Variants in SETD5 observed in about 807,000 individuals in gnomAD.
The protein encoded by SETD5 is SET domain containing 5, also known as histone-lysine N-methyltransferase SETD5.
A neutral mutation model predicts 153.3 loss-of-function variants in SETD5; 44 were observed. That is an observed-to-expected ratio of 0.29 (90% CI 0.23 to 0.37). The LOEUF is 0.37. SETD5 is among the 10% of genes least tolerant of loss of function. The pLI, the probability that SETD5 is intolerant of heterozygous loss-of-function variation, is 1.00. For missense variants in SETD5, 1,544 were observed against 1,768.0 expected, an observed-to-expected ratio of 0.87 and a Z score of 2.27; for synonymous variants, 716 against 645.2, an observed-to-expected ratio of 1.11 and a Z score of -1.66.
At chr3:9,467,302 A>C (rs2044722836) in intron 18 of SETD5, among the ~76,000 whole-genome samples, 1 of 152,024 alleles carries the variant, frequency 6.6e-6, no homozygotes, top group Non-Finnish European at 1.5e-5. Context: ...AGAAGTCTTA[A>C]GTGCTAAGGG....
At chr3:9,440,970 A>G (rs2041208988) in intron 8 of SETD5, among the ~76,000 whole-genome samples, 2 of 152,194 alleles carry the variant, frequency 1.3e-5, no homozygotes, top group African/African-American at 2.4e-5. Flanking sequence ...ACACTTTGGC[A>G]AGAAGCCAAG....
intron 6 of SETD5, among the ~76,000 whole-genome samples, chr3:9,435,426 T>C (rs1185599397): frequency 1.3e-5 from 2 of 152,182 alleles, no homozygotes; most frequent in South Asian, 4.1e-4. Flanking sequence ...ACAAAAAATA[T>C]GGATTCCTGT....
intron 3 of SETD5, chr3:9,430,319 G>A: frequency 6.1e-6 from 6 of 983,290 alleles, no homozygotes; most frequent in Non-Finnish European, 7.2e-6. Flanking sequence ...TAATATTCTG[G>A]GGTAGTCTAA....
Position 9,476,073 on chromosome 3 carries a change from T to A in SETD5, c.4311T>A (p.Thr1437=). The part of the protein sequence containing the change: ...LQPLQGSGVK[T]QTGLS ...CACTGCAAGGGTCAGGAGTCAAGAC[T>A]CAGACGGGACTTTCCTAGGGCTTCT... The change falls in exon 23 of 23, where the codon ACT becomes ACA. Residue 1437 remains threonine (T), a synonymous_variant. Transcript: ENST00000402198. 6.2e-7 allele frequency: 1 copy of A among 1,613,538 alleles called. No individual in the cohort carries two copies. Among genetic ancestry groups the A allele is most frequent in the Non-Finnish European group, 8.5e-7 (1 of 1,179,616 alleles).
At chr3:9,457,548 G>A (rs547837757) in intron 17 of SETD5, among the ~76,000 whole-genome samples, 2 of 150,394 alleles carry the variant, frequency 1.3e-5, no homozygotes, top group South Asian at 4.2e-4. Context: ...TGGATAGAAG[G>A]ATAAATATAT....
chr3:9,443,670 G>A (rs2041577753), intron 11 of SETD5, among the ~76,000 whole-genome samples: 1 of 152,174 alleles, frequency 6.6e-6, no homozygotes, highest in Non-Finnish European at 1.5e-5. Flanking sequence ...TTTTTAGCAA[G>A]AATAGCAAAA....
rs546140610 is a variant in SETD5, at chr3:9,402,090, G to T, written c.-177+4113G>T. Among the ~76,000 whole-genome samples the T allele has an allele frequency of 4.9e-4, 74 of 152,308 alleles. 1 individual carries two copies. The South Asian group carries it at 0.011, about 23-fold the overall frequency. On this transcript the variant is annotated intron_variant, in intron 1 of 22. Transcript: ENST00000402198. Reference sequence around the variant, plus strand: ...TGGGATTCTGGGAAGTTCATGAAAGGTGGAGAGAATATAGTTTCCTTCACT... The same window carrying T: ...TGGGATTCTGGGAAGTTCATGAAAGTTGGAGAGAATATAGTTTCCTTCACT...
chr3:9,408,306 TTTTTC>T (rs2036045555), intron 1 of SETD5, among the ~76,000 whole-genome samples: 1 of 152,184 alleles, frequency 6.6e-6, no homozygotes, highest in South Asian at 2.1e-4. Context: ...TCGAATGTCT[TTTTTC>T]TTTTCCCATT....
chr3:9,433,757 G>C, intron 3 of SETD5, 88 bp from the exon 4 acceptor site: 1 of 1,330,158 alleles, frequency 7.5e-7, no homozygotes, highest in Admixed American at 1.7e-5. Context: ...GTTGTGGAAA[G>C]AGGAGGGGTT....
chr3:9,464,464 T>A lies in SETD5; in HGVS notation c.2516T>A (p.Leu839Gln). ...SPLKKWKSRY[L>Q]MEQNVTKLLR... ...TTAAAGAAATGGAAGTCTCGCTATC[T>A]GATGGAGCAGAATGTCACCAAGTTA... The change falls in exon 18 of 23, where the codon CTG becomes CAG. Residue 839 changes from leucine to glutamine, a missense_variant. Leu to Gln is a moderately radical substitution (Grantham distance 113). Transcript: ENST00000402198. 6.2e-7 allele frequency: 1 copy of A among 1,613,528 alleles called. No homozygotes were observed. Among genetic ancestry groups the A allele is most frequent in the Non-Finnish European group, 8.5e-7 (1 of 1,179,454 alleles).
intron 13 of SETD5, among the ~76,000 whole-genome samples, chr3:9,446,789 C>G (rs746658468): frequency 5.3e-5 from 8 of 152,168 alleles, no homozygotes; most frequent in Non-Finnish European, 1.0e-4. Flanking sequence ...CTGCACCCAT[C>G]CTGTTTTTCT....
At chr3:9,467,199 CAAAAA>C (rs35894304) in intron 18 of SETD5, among the ~76,000 whole-genome samples, 1 of 40,858 alleles carries the variant, frequency 2.4e-5, no homozygotes, top group African/African-American at 7.1e-5. Flanking sequence ...GACTCTCTCT[CAAAAA>C]AAAAAAAAAA....
At chr3:9,433,755 A>G in intron 3 of SETD5, 90 bp from the exon 4 acceptor site, 1 of 1,315,370 alleles carries the variant, frequency 7.6e-7, no homozygotes, top group Non-Finnish European at 1.1e-6. Context: ...TGGTTGTGGA[A>G]AGAGGAGGGG....
chr3:9,422,247 T>C (rs1301337995), intron 1 of SETD5, among the ~76,000 whole-genome samples: 2 of 152,168 alleles, frequency 1.3e-5, no homozygotes, highest in Admixed American at 6.5e-5. Context: ...ATTGTTGCCC[T>C]GCAAAAAAGT....
rs911326608 is a variant in SETD5, at chr3:9,477,847, C to T, written c.*1756C>T. The T allele has an allele frequency of 6.6e-6, 1 of 152,348 alleles. No individual in the cohort carries two copies. Among genetic ancestry groups the T allele is most frequent in the Non-Finnish European group, 1.5e-5 (1 of 68,008 alleles). The allele number at this position is 152,348 out of a possible 1,614,324, so 9.4% of individuals were successfully genotyped here. On this transcript the variant is annotated 3_prime_UTR_variant, in exon 23 of 23. Coordinates refer to ENST00000402198, the MANE Select transcript of SETD5 (RefSeq NM_001080517.3). ...ATATAAAACGTATGTAAATGTCTCT[C>T]CATTTGGGCTGGGGTTTGCATTCTC...
chr3:9,431,051 C>G, intron 3 of SETD5: 1 of 985,358 alleles, frequency 1.0e-6, no homozygotes, highest in Non-Finnish European at 1.2e-6. Context: ...TTTCGCTGTT[C>G]TGGGCACTTT....
intron 1 of SETD5, among the ~76,000 whole-genome samples, chr3:9,406,983 G>A (rs77551450): frequency 0.044 from 6,673 of 152,238 alleles, 243 homozygotes; most frequent in Admixed American, 0.11. Flanking sequence ...GATATTTAGT[G>A]TTAATCCAAA....
chr3:9,456,797 A>G (rs1338907654), intron 17 of SETD5, among the ~76,000 whole-genome samples: 2 of 151,928 alleles, frequency 1.3e-5, no homozygotes, highest in African/African-American at 4.8e-5. Context: ...ACATGGTGAA[A>G]TCCCATCTCT....
At chr3:9,402,456 C>T (rs2034942087) in intron 1 of SETD5, among the ~76,000 whole-genome samples, 1 of 152,098 alleles carries the variant, frequency 6.6e-6, no homozygotes, top group East Asian at 1.9e-4. Flanking sequence ...AATGTAAGGT[C>T]ACATTAAGTA....
Sources: gnomAD v4.1 joint callset for allele counts (sites outside exome capture counted in the v4.1 genomes callset) on GRCh38, gnomAD v4.1.1 for gene constraint, MANE v1.5 for transcripts, NCBI Gene and HGNC (gene_info 2026-07-23, HGNC 2026-07-21) for gene names.